The following CCBE1 variants were observed in gnomAD, a reference collection of about 807,000 sequenced individuals.
CCBE1 encodes collagen and calcium binding EGF domains 1.
In CCBE1, 37 loss-of-function variants were observed where a neutral mutation model predicts 50.0. The ratio of observed to expected loss-of-function variants is 0.74; its 90% confidence interval spans 0.57 to 0.97. The LOEUF (loss-of-function observed/expected upper bound fraction) is 0.97. Ranked by LOEUF, CCBE1 falls within the 50% of genes least tolerant of loss-of-function variation. CCBE1 has a pLI of 0.00. For missense variants in CCBE1, 538 were observed against 523.8 expected (o/e 1.03, Z -0.26); for synonymous variants, 234 against 203.7 (o/e 1.15, Z -1.27).
chr18:59,565,342 T>TTCAGAA (rs2052806696), intron 2 of CCBE1, among the ~76,000 whole-genome samples: 1 of 152,152 alleles, frequency 6.6e-6, no homozygotes, highest in South Asian at 2.1e-4. Context: ...GGGATCAAGG[T>TTCAGAA]CTGGCCCTCA....
intron 2 of CCBE1, among the ~76,000 whole-genome samples, chr18:59,489,751 C>T (rs1299044400): frequency 6.9e-6 from 1 of 145,048 alleles, no homozygotes; most frequent in East Asian, 2.1e-4. Context: ...CAGTGCTACA[C>T]ACTCCACCTC....
intron 2 of CCBE1, among the ~76,000 whole-genome samples, chr18:59,608,926 A>C (rs1166799189): frequency 6.6e-6 from 1 of 152,168 alleles, no homozygotes; most frequent in Non-Finnish European, 1.5e-5. Flanking sequence ...TTGCTCATCC[A>C]TAATCTGGCT....
rs1276768439 is a variant in CCBE1 at position 59,504,926 on chromosome 18, G to A, written c.213-24688C>T. 3.0e-4 allele frequency among the ~76,000 whole-genome samples: 46 copies of A among 152,098 alleles called. 1 individual carries two copies. Among genetic ancestry groups the A allele is most frequent in the Admixed American group, 3.0e-3 (46 of 15,260 alleles). ...CACAGGTAGCAAATCACAGCAGAGAGGACACTGCCATGGGAGGCAAAAAAA... is the reference window on the plus strand; with the variant it reads ...CACAGGTAGCAAATCACAGCAGAGAAGACACTGCCATGGGAGGCAAAAAAA... On this transcript the variant is annotated intron_variant, in intron 2 of 10. Transcript: ENST00000439986.
intron 2 of CCBE1, among the ~76,000 whole-genome samples, chr18:59,502,378 C>T (rs1319782992): frequency 6.6e-6 from 1 of 152,158 alleles, no homozygotes; most frequent in Non-Finnish European, 1.5e-5. Flanking sequence ...ATATGTGTGT[C>T]ATCCTCTGAT....
intron 2 of CCBE1, among the ~76,000 whole-genome samples, chr18:59,569,337 A>G (rs563152264): frequency 2.0e-5 from 3 of 152,354 alleles, no homozygotes; most frequent in African/African-American, 4.8e-5. Flanking sequence ...TAAAAATGGT[A>G]TATCTGGTAA....
chr18:59,436,503 C>G (rs1393458710), intron 10 of CCBE1, among the ~76,000 whole-genome samples: 1 of 152,190 alleles, frequency 6.6e-6, no homozygotes, highest in East Asian at 1.9e-4. Flanking sequence ...GGATTTGAAT[C>G]TCATCTCTGC....
At chr18:59,633,914 T>C (rs916289886) in intron 2 of CCBE1, among the ~76,000 whole-genome samples, 7 of 152,192 alleles carry the variant, frequency 4.6e-5, no homozygotes, top group African/African-American at 1.4e-4. Flanking sequence ...TATCAAATTA[T>C]AGATACATAT....
chr18:59,592,604 G>A (rs966353548), intron 2 of CCBE1, among the ~76,000 whole-genome samples: 27 of 152,132 alleles, frequency 1.8e-4, no homozygotes, highest in African/African-American at 6.0e-4. Context: ...TAATAAAGGG[G>A]ACAAAACTAT....
At chr18:59,639,956 A>G (rs909885796) in intron 2 of CCBE1, among the ~76,000 whole-genome samples, 2 of 152,226 alleles carry the variant, frequency 1.3e-5, no homozygotes, top group African/African-American at 4.8e-5. Flanking sequence ...AGATCTCTAC[A>G]GAAAGAATTA....
chr18:59,473,898 CT>C (rs1200376040), intron 3 of CCBE1, among the ~76,000 whole-genome samples: 12 of 112,734 alleles, frequency 1.1e-4, no homozygotes, highest in Non-Finnish European at 5.8e-5. Flanking sequence ...TTTCCTCCCC[CT>C]ACTACTAGTC....
intron 2 of CCBE1, among the ~76,000 whole-genome samples, chr18:59,653,408 A>AAT (rs1273559987): frequency 2.0e-5 from 3 of 152,210 alleles, no homozygotes; most frequent in African/African-American, 7.2e-5. Flanking sequence ...TGGCACAACC[A>AAT]ATATATCTGG....
intron 2 of CCBE1, among the ~76,000 whole-genome samples, chr18:59,555,996 T>C (rs1599009674): frequency 6.6e-6 from 1 of 152,176 alleles, no homozygotes; most frequent in East Asian, 1.9e-4. Context: ...ACTTTACAGA[T>C]CTCAGAGCTT....
At chr18:59,661,090 C>T (rs910256822) in intron 2 of CCBE1, among the ~76,000 whole-genome samples, 3 of 151,990 alleles carry the variant, frequency 2.0e-5, no homozygotes, top group African/African-American at 7.3e-5. Flanking sequence ...CAATATAGAG[C>T]TAACATACTT....
At chr18:59,499,478 C>T (rs6567090) in intron 2 of CCBE1, among the ~76,000 whole-genome samples, 36,702 of 152,010 alleles carry the variant, frequency 0.24, 4,616 homozygotes, top group African/African-American at 0.29. Flanking sequence ...CCACATGGCT[C>T]GGGAGGCCTC....
At chr18:59,678,652 C>G (rs578145776) in intron 2 of CCBE1, among the ~76,000 whole-genome samples, 4 of 151,338 alleles carry the variant, frequency 2.6e-5, no homozygotes, top group African/African-American at 9.8e-5. Context: ...CCTGCCTCAG[C>G]CTCCTGAGTA....
At chr18:59,535,724 G>A (rs1339489630) in intron 2 of CCBE1, among the ~76,000 whole-genome samples, 1 of 152,148 alleles carries the variant, frequency 6.6e-6, no homozygotes, top group South Asian at 2.1e-4. Flanking sequence ...TTAAAATGTT[G>A]TACAAGAATA....
chr18:59,540,228 T>G (rs1262975531), intron 2 of CCBE1, among the ~76,000 whole-genome samples: 1 of 152,210 alleles, frequency 6.6e-6, no homozygotes, highest in Non-Finnish European at 1.5e-5. Flanking sequence ...AGAAGGCAAT[T>G]AAACATTAGA....
intron 2 of CCBE1, among the ~76,000 whole-genome samples, chr18:59,562,572 C>A (rs753232154): frequency 6.6e-6 from 1 of 152,208 alleles, no homozygotes; most frequent in African/African-American, 2.4e-5. Flanking sequence ...CTGCTTTCTA[C>A]CCGAGTTACT....
intron 2 of CCBE1, among the ~76,000 whole-genome samples, chr18:59,685,224 G>C (rs1179017209): frequency 3.9e-5 from 6 of 152,126 alleles, no homozygotes; most frequent in African/African-American, 1.4e-4. Context: ...GATGGAATTT[G>C]CACCCTGAGA....
Sources: allele counts gnomAD v4.1 joint callset (sites outside exome capture counted in the v4.1 genomes callset), GRCh38; gene constraint gnomAD v4.1.1; transcripts MANE v1.5; gene names NCBI Gene and HGNC (gene_info 2026-07-23, HGNC 2026-07-21).